The following ANKRD18A variants were observed in gnomAD, a reference collection of about 807,000 sequenced individuals.
The protein encoded by ANKRD18A is ankyrin repeat domain 18A, also known as ankyrin repeat domain-containing protein 18A.
ANKRD18A carries 72 observed loss-of-function variants against 110.6 expected under a neutral mutation model. The ratio of observed to expected loss-of-function variants is 0.65; its 90% CI spans 0.54 to 0.79. The LOEUF is 0.79. ANKRD18A is among the 30% of genes least tolerant of loss of function. ANKRD18A has a pLI of 0.00. For missense variants in ANKRD18A, 934 were observed against 1,163.3 expected (o/e 0.80, Z 2.87); for synonymous variants, 305 against 410.3 (o/e 0.74, Z 3.10).
chr9:38,612,402 CA>C (rs1284084528), intron 3 of ANKRD18A, among the ~76,000 whole-genome samples: 2 of 150,660 alleles, frequency 1.3e-5, no homozygotes, highest in Non-Finnish European at 1.5e-5. Flanking sequence ...TTACTTTAGG[CA>C]AAATATAAAT....
At chr9:38,595,400 T>C in intron 9 of ANKRD18A, 86 bp downstream of exon 9, 1 of 1,182,726 alleles carries the variant, frequency 8.5e-7, no homozygotes, top group Non-Finnish European at 1.1e-6. Flanking sequence ...ATCTATTTAT[T>C]TGTATATTGA....
intron 7 of ANKRD18A, among the ~76,000 whole-genome samples, chr9:38,601,841 G>A (rs1825127677): frequency 6.6e-6 from 1 of 151,898 alleles, no homozygotes; most frequent in Non-Finnish European, 1.5e-5. Context: ...AAATTTGCCA[G>A]GCATAGTGGT....
At chr9:38,599,911 G>C (rs1442766640) in intron 8 of ANKRD18A, among the ~76,000 whole-genome samples, 1 of 152,146 alleles carries the variant, frequency 6.6e-6, no homozygotes, top group Non-Finnish European at 1.5e-5. Context: ...TGTCTTTTCT[G>C]ACAGGGTGCA....
intron 12 of ANKRD18A, among the ~76,000 whole-genome samples, chr9:38,580,032 T>C (rs1824087025): frequency 6.6e-6 from 1 of 152,226 alleles, no homozygotes; most frequent in Admixed American, 6.5e-5. Flanking sequence ...GCCACGTGGC[T>C]CAGTCTGGAG....
Position 38,572,287 on chromosome 9 carries a change from C to T in ANKRD18A, c.2965-228G>A, listed in dbSNP as rs545077018. 35 of 361,208 alleles carry T rather than the reference C, an allele frequency of 9.7e-5. 1 individual carries two copies. Among genetic ancestry groups the T allele is most frequent in the African/African-American group, 3.9e-4 (18 of 45,924 alleles). 22.4% of individuals were successfully genotyped at this position (361,208 alleles called of 1,614,324 possible). A position where few individuals can be genotyped will look rare whatever the true frequency, so the allele number is the denominator to read the frequency against. On this transcript the variant is annotated intron_variant, in intron 15 of 15. Coordinates refer to ENST00000399703, the MANE Select transcript of ANKRD18A (RefSeq NM_147195.4). ...TCTTCATTCATGTACTCAACAGCCA[C>T]GTGCTAAGGTACTAGAGCCAGCACT...
intron 10 of ANKRD18A, 42 bp downstream of exon 10, chr9:38,593,718 C>G (rs1288639402): frequency 2.4e-5 from 34 of 1,430,622 alleles, no homozygotes; most frequent in Admixed American, 5.8e-5. Context: ...ATTATTCAAC[C>G]AGCTACAGAT....
chr9:38,612,178 GA>G lies in ANKRD18A; in HGVS notation c.496-858del, dbSNP rs1250996213. Among the ~76,000 whole-genome samples the G allele has an allele frequency of 3.3e-5, 5 of 152,176 alleles. No homozygotes were observed. In the East Asian group the frequency reaches 7.7e-4, roughly 23 times the overall value. The stretch of plus-strand genomic sequence containing the variant: ...CTCCATGGGATTTCTCCTAATGCAA[GA>G]GGATAGATTTTTATCTTAACTATTA... On this transcript the variant is annotated intron_variant, in intron 3 of 15. Transcript: ENST00000399703.
Position 38,593,757 on chromosome 9 carries a change from T to C in ANKRD18A, c.2004+3A>G, listed in dbSNP as rs1824753224. On this transcript the variant is annotated splice_donor_region_variant and intron_variant, in intron 10 of 15. Transcript: ENST00000399703. ...CTGTCTACATGTTAAATTCCATACA[T>C]ACTTGAATTTCTACTTGAAATAATT... The C allele has an allele frequency of 3.9e-6, 6 of 1,528,074 alleles. No homozygotes were observed. The highest frequency in any genetic ancestry group is 5.3e-6 in the Non-Finnish European group (6 of 1,138,210). The allele number at this position is 1,528,074 out of a possible 1,614,324, so 94.7% of individuals were successfully genotyped here.
rs143587927 is a variant in ANKRD18A at position 38,591,913 on chromosome 9, T to C, written c.2004+1847A>G. 5.7e-3 allele frequency among the ~76,000 whole-genome samples: 875 copies of C among 152,330 alleles called. 13 individuals carry two copies. The highest frequency in any genetic ancestry group is 0.02 in the African/African-American group (824 of 41,582). On this transcript the variant is annotated intron_variant, in intron 10 of 15. Coordinates refer to ENST00000399703, the MANE Select transcript of ANKRD18A (RefSeq NM_147195.4). ...TGAATCAGTTCCCTCCCAGCAGCTG[T>C]TGCTGTGGCACTGCCTTCACGAGTA...
intron 14 of ANKRD18A, among the ~76,000 whole-genome samples, chr9:38,576,387 G>T (rs1486455624): frequency 1.3e-5 from 2 of 152,166 alleles, no homozygotes; most frequent in African/African-American, 4.8e-5. Flanking sequence ...CGTGACCAAG[G>T]CACTGGAGGT....
rs1489457627 is a variant in ANKRD18A, at chr9:38,596,161, A to G, written c.1179T>C (p.Asp393=). The G allele has an allele frequency of 1.3e-6, 2 of 1,547,408 alleles. No individual in the cohort carries two copies. Among genetic ancestry groups the G allele is most frequent in the East Asian group, 2.4e-5 (1 of 40,892 alleles). The change falls in exon 9 of 16, where the codon GAT becomes GAC. Residue 393 remains aspartate (D), a synonymous_variant. Coordinates refer to ENST00000399703, the MANE Select transcript of ANKRD18A (RefSeq NM_147195.4). The stretch of plus-strand genomic sequence containing the variant: ...TCAGCCTTGCATTCTCAGCTTTCAG[A>G]TCATTAAGCTGTTGCGAATACCGGG... ...TVARYSQQLN[D]LKAENARLNS...
chr9:38,617,800 G>T (rs1825919810), intron 1 of ANKRD18A, among the ~76,000 whole-genome samples: 1 of 152,142 alleles, frequency 6.6e-6, no homozygotes, highest in Non-Finnish European at 1.5e-5. Flanking sequence ...CAAAATGTTT[G>T]CTACATAACA....
intron 12 of ANKRD18A, among the ~76,000 whole-genome samples, chr9:38,584,000 G>A (rs199829599): frequency 6.6e-6 from 1 of 152,230 alleles, no homozygotes; most frequent in Admixed American, 6.5e-5. Context: ...GCACTGGGGG[G>A]ATGGGGTGGA....
At chr9:38,612,480 C>T (rs1445994947) in intron 3 of ANKRD18A, among the ~76,000 whole-genome samples, 1 of 150,156 alleles carries the variant, frequency 6.7e-6, no homozygotes, top group Non-Finnish European at 1.5e-5. Context: ...TTGTTTCTAG[C>T]ATAATAAGAG....
At chr9:38,609,809 A>G (rs928396648) in intron 5 of ANKRD18A, among the ~76,000 whole-genome samples, 9 of 152,142 alleles carry the variant, frequency 5.9e-5, no homozygotes, top group Non-Finnish European at 1.2e-4. Context: ...ATTTTCTGCT[A>G]AAGTGGACAT....
At position 38,595,763 on chromosome 9, in the gene ANKRD18A, G is replaced by A; in HGVS notation, c.1577C>T (p.Pro526Leu). 1.3e-6 allele frequency: 2 copies of A among 1,551,244 alleles called. No individual in the cohort carries two copies. Among genetic ancestry groups the A allele is most frequent in the South Asian group, 2.4e-5 (2 of 83,962 alleles). The change falls in exon 9 of 16, where the codon CCA (proline) becomes CTA (leucine). Residue 526 changes from proline to leucine, a missense_variant. Transcript: ENST00000399703. ...TTGACTTTCTTTAGCTTCTCCATTT[G>A]GATGCATCTGCTTCATTTCCTTTAT... The part of the protein sequence containing the change: ...HRIKEMKQMH[P>L]NGEAKESQSI...
At chr9:38,575,112 A>G (rs191982471) in intron 15 of ANKRD18A, among the ~76,000 whole-genome samples, 1,886 of 151,386 alleles carry the variant, frequency 0.012, 41 homozygotes, top group African/African-American at 0.044. Context: ...AAAAAAAGTG[A>G]TATGAACCAC....
intron 8 of ANKRD18A, among the ~76,000 whole-genome samples, chr9:38,599,636 G>T (rs896280008): frequency 1.5e-4 from 23 of 151,702 alleles, no homozygotes; most frequent in African/African-American, 5.3e-4. Flanking sequence ...AGCTAATTTT[G>T]TATTTTTAGT....
intron 6 of ANKRD18A, 35 bp downstream of exon 6, chr9:38,607,390 CA>C: frequency 6.9e-7 from 1 of 1,441,346 alleles, no homozygotes; most frequent in East Asian, 2.7e-5. Flanking sequence ...GTAAGATCAC[CA>C]AGGGAAATGA....
Sources: gnomAD v4.1 joint callset for allele counts (sites outside exome capture counted in the v4.1 genomes callset) on GRCh38, gnomAD v4.1.1 for gene constraint, MANE v1.5 for transcripts, NCBI Gene and HGNC (gene_info 2026-07-23, HGNC 2026-07-21) for gene names.